The following FHIT variants were observed in gnomAD, a reference collection of about 807,000 sequenced individuals.
FHIT encodes fragile histidine triad diadenosine triphosphatase.
A neutral mutation model predicts 17.9 loss-of-function variants in FHIT; 19 were observed. The ratio of observed to expected loss-of-function variants is 1.06; its 90% CI spans 0.74 to 1.56. FHIT has a LOEUF of 1.56. Among genes scored for constraint, FHIT ranks in the 40% most tolerant of loss-of-function variants. The probability of loss-of-function intolerance (pLI) is 0.00; values close to 1 mark genes in which losing one functional copy is unlikely to be tolerated. For synonymous variants in FHIT, 81 were observed against 69.7 expected (o/e 1.16, Z -0.81); for missense variants, 248 against 189.2 (o/e 1.31, Z -1.82).
At chr3:60,747,190 C>A (rs1383875865) in intron 4 of FHIT, among the ~76,000 whole-genome samples, 1 of 151,998 alleles carries the variant, frequency 6.6e-6, no homozygotes, top group African/African-American at 2.4e-5. Context: ...GCACTGAATG[C>A]CCTTCCTCCT....
At chr3:60,355,238 T>A (rs2106961963) in intron 5 of FHIT, among the ~76,000 whole-genome samples, 1 of 152,288 alleles carries the variant, frequency 6.6e-6, no homozygotes, top group East Asian at 1.9e-4. Flanking sequence ...AAGTTCCACT[T>A]CTCGATTTAC....
chr3:60,960,163 C>T (rs1415144747), intron 3 of FHIT, among the ~76,000 whole-genome samples: 1 of 152,150 alleles, frequency 6.6e-6, no homozygotes, highest in Non-Finnish European at 1.5e-5. Flanking sequence ...CAAGCTTTCC[C>T]TCTTCCCTTC....
At chr3:60,568,526 G>A (rs182196338) in intron 4 of FHIT, among the ~76,000 whole-genome samples, 1 of 151,926 alleles carries the variant, frequency 6.6e-6, no homozygotes, top group African/African-American at 2.4e-5. Context: ...GTTGATGGGT[G>A]CAGCACACCA....
chr3:60,804,931 T>C (rs1236439668), intron 4 of FHIT, among the ~76,000 whole-genome samples: 2 of 152,218 alleles, frequency 1.3e-5, no homozygotes, highest in Admixed American at 6.5e-5. Context: ...AATGACTGTG[T>C]TTTACTTGCC....
intron 8 of FHIT, among the ~76,000 whole-genome samples, chr3:59,788,067 C>T (rs560994369): frequency 1.3e-5 from 2 of 152,302 alleles, no homozygotes; most frequent in African/African-American, 4.8e-5. Context: ...TTCTGGGGCT[C>T]ACCTTTCTAG....
intron 1 of FHIT, among the ~76,000 whole-genome samples, chr3:61,251,012 C>T (rs1323722314): frequency 6.6e-6 from 1 of 152,224 alleles, no homozygotes; most frequent in Non-Finnish European, 1.5e-5. Flanking sequence ...GAGCCAAGAG[C>T]TGTGGCGTCC....
At chr3:59,919,282 C>G (rs1243084835) in intron 8 of FHIT, among the ~76,000 whole-genome samples, 2 of 152,162 alleles carry the variant, frequency 1.3e-5, no homozygotes, top group Admixed American at 1.3e-4. Context: ...AGCTCACCCC[C>G]TTGGAAGGCA....
chr3:61,151,577 T>TTTCTTTTC (rs548024417), intron 2 of FHIT, among the ~76,000 whole-genome samples: 29,915 of 94,514 alleles, frequency 0.32, 3,333 homozygotes, highest in East Asian at 0.57. Flanking sequence ...TTTCTTTTCT[T>TTTCTTTTC]TTTTTTTTTT....
chr3:59,832,245 C>T (rs925079244), intron 8 of FHIT, among the ~76,000 whole-genome samples: 2 of 152,102 alleles, frequency 1.3e-5, no homozygotes, highest in African/African-American at 4.8e-5. Context: ...GCCATGGGAG[C>T]AAATCGAGGG....
At chr3:60,801,044 A>G (rs1054619262) in intron 4 of FHIT, among the ~76,000 whole-genome samples, 1 of 152,164 alleles carries the variant, frequency 6.6e-6, no homozygotes, top group Non-Finnish European at 1.5e-5. Context: ...GAAATACAAT[A>G]TAAGTATACA....
chr3:60,322,725 C>A (rs571820665), intron 5 of FHIT, among the ~76,000 whole-genome samples: 1 of 152,158 alleles, frequency 6.6e-6, no homozygotes, highest in South Asian at 2.1e-4. Flanking sequence ...TGGGTAGTCA[C>A]AACACTGTAA....
At chr3:60,799,228 G>C (rs183034371) in intron 4 of FHIT, among the ~76,000 whole-genome samples, 5 of 152,260 alleles carry the variant, frequency 3.3e-5, no homozygotes, top group African/African-American at 1.2e-4. Flanking sequence ...AGGCTAGAGT[G>C]CAATGGCGCA....
At chr3:60,753,054 A>G (rs140499357) in intron 4 of FHIT, among the ~76,000 whole-genome samples, 119 of 152,316 alleles carry the variant, frequency 7.8e-4, no homozygotes, top group African/African-American at 2.8e-3. Context: ...TGTTGGCTCC[A>G]GGGTTCCTTA....
intron 5 of FHIT, among the ~76,000 whole-genome samples, chr3:60,057,614 A>G (rs961967824): frequency 5.3e-5 from 8 of 151,886 alleles, no homozygotes; most frequent in Non-Finnish European, 1.2e-4. Flanking sequence ...GTAGAAATTG[A>G]CCTTTGTGGT....
intron 5 of FHIT, 41 bp from the exon 6 acceptor site, chr3:60,014,193 G>A: frequency 6.2e-7 from 1 of 1,609,086 alleles, no homozygotes; most frequent in Non-Finnish European, 8.5e-7. Flanking sequence ...CTGGCTTTGG[G>A]TAGTGTTCTT....
intron 5 of FHIT, among the ~76,000 whole-genome samples, chr3:60,209,134 A>G (rs537831309): frequency 5.3e-5 from 8 of 152,306 alleles, no homozygotes; most frequent in African/African-American, 1.7e-4. Flanking sequence ...CATTTACCCA[A>G]TGTATTCAGG....
At chr3:59,973,778 G>C (rs1473616354) in intron 7 of FHIT, among the ~76,000 whole-genome samples, 3 of 151,998 alleles carry the variant, frequency 2.0e-5, no homozygotes, top group Admixed American at 6.6e-5. Context: ...CCAAAGACCA[G>C]GTTTCATTTT....
At chr3:60,627,550 G>A (rs1553681307) in intron 4 of FHIT, among the ~76,000 whole-genome samples, 1 of 152,106 alleles carries the variant, frequency 6.6e-6, no homozygotes, top group Non-Finnish European at 1.5e-5. Context: ...CTGCCACCCA[G>A]GCTGGAGTGC....
At chr3:60,374,880 C>A (rs913954926) in intron 5 of FHIT, among the ~76,000 whole-genome samples, 2 of 151,916 alleles carry the variant, frequency 1.3e-5, no homozygotes, top group Non-Finnish European at 2.9e-5. Context: ...GTTTTCTTTG[C>A]TGCTCTACAG....
Sources: gnomAD v4.1 joint callset for allele counts (sites outside exome capture counted in the v4.1 genomes callset) on GRCh38, gnomAD v4.1.1 for gene constraint, MANE v1.5 for transcripts, NCBI Gene and HGNC (gene_info 2026-07-23, HGNC 2026-07-21) for gene names.